The following HAPLN2 variants were observed in gnomAD, a reference collection of about 807,000 sequenced individuals.
The protein encoded by HAPLN2 is hyaluronan and proteoglycan link protein 2.
Under a neutral mutation model 29.3 loss-of-function variants are expected in HAPLN2, and 27 were observed. The observed-to-expected ratio is 0.92, with a 90% confidence interval of 0.68 to 1.27. The LOEUF (loss-of-function observed/expected upper bound fraction) is 1.27, where lower values mean the gene tolerates loss of function less well. Ranked by LOEUF, HAPLN2 falls within the 50% of genes most tolerant of loss-of-function variation. HAPLN2 has a pLI of 0.00. For synonymous variants in HAPLN2, 208 were observed against 211.7 expected (o/e 0.98, Z 0.15); for missense variants, 454 against 484.3 (o/e 0.94, Z 0.59).
chr1:156,604,306 T>C, the HAPLN2 span, among the ~76,000 whole-genome samples: 2 of 125,364 alleles, frequency 1.6e-5, no homozygotes, highest in South Asian at 6.4e-4. Flanking sequence ...TTTTTTTTCT[T>C]TTTTTTTTTG....
At chr1:156,603,267 G>A in the HAPLN2 span, among the ~76,000 whole-genome samples, 1 of 148,196 alleles carries the variant, frequency 6.7e-6, no homozygotes, top group Non-Finnish European at 1.5e-5. Context: ...GGCTGGCCTT[G>A]GACTCCTGGG....
Position 156,620,034 on chromosome 1 carries a change from G to A in HAPLN2, c.-149G>A, listed in dbSNP as rs1678169358. On this transcript the variant is annotated 5_prime_UTR_variant, in exon 2 of 7. Transcript: ENST00000255039. ...GTTGAACAGGGGCTCAAGTTCCAGG[G>A]TTTTAAGGTGCTTGGAACTCCCAGG... The A allele has an allele frequency of 6.6e-6, 1 of 152,180 alleles. No individual in the cohort carries two copies. The highest frequency in any genetic ancestry group is 2.4e-5 in the African/African-American group (1 of 41,394). 9.4% of individuals were successfully genotyped at this position (152,180 alleles called of 1,614,324 possible).
chr1:156,604,748 G>C, the HAPLN2 span, among the ~76,000 whole-genome samples: 2 of 152,180 alleles, frequency 1.3e-5, no homozygotes, highest in Non-Finnish European at 2.9e-5. Context: ...CAAAAGATGT[G>C]CAAGCTTTAT....
chr1:156,610,376 G>A, the HAPLN2 span, among the ~76,000 whole-genome samples: 2 of 152,244 alleles, frequency 1.3e-5, no homozygotes, highest in Non-Finnish European at 2.9e-5. Flanking sequence ...GGTGGCTTAC[G>A]CCTGTAATCC....
chr1:156,625,340 C>T lies in HAPLN2; in HGVS notation c.979C>T (p.Pro327Ser), dbSNP rs1678416427. The T allele has an allele frequency of 6.2e-7, 1 of 1,600,284 alleles. No individual in the cohort carries two copies. The highest frequency in any genetic ancestry group is 2.3e-5 in the East Asian group (1 of 44,022). ...AGTGCGCAGTTTCGGCTTCCCCAGGCCCCAACAGGCAGCCTATGGGACCTA... is the reference window on the plus strand; with the variant it reads ...AGTGCGCAGTTTCGGCTTCCCCAGGTCCCAACAGGCAGCCTATGGGACCTA... ...PGVRSFGFPR[P>S]QQAAYGTYCY... The change falls in exon 7 of 7, where the codon CCC (proline) becomes TCC (serine). Residue 327 changes from proline to serine, a missense_variant. Physicochemically the swap from Pro to Ser is moderately conservative, Grantham distance 74 (BLOSUM62 -1). Coordinates refer to ENST00000255039, the MANE Select transcript of HAPLN2 (RefSeq NM_021817.3). This position sits in a 1 kb window ranked among gnomAD's most constrained non-coding sequence, Gnocchi z 5.7.
rs1678422611 is a variant in HAPLN2 at position 156,625,486 on chromosome 1, G to A, written c.*102G>A. Reference sequence around the variant, plus strand: ...GAGAGCCTCCCCTCCCTCCAGACCCGGAGCGGCCTCTCCAGACCTGCCTTC... The same window carrying A: ...GAGAGCCTCCCCTCCCTCCAGACCCAGAGCGGCCTCTCCAGACCTGCCTTC... On this transcript the variant is annotated 3_prime_UTR_variant, in exon 7 of 7. Coordinates refer to ENST00000255039, the MANE Select transcript of HAPLN2 (RefSeq NM_021817.3). The surrounding 1 kb of genome is among the most constrained non-coding windows in gnomAD (Gnocchi z 5.7). 1 of 1,264,108 alleles carries A rather than the reference G, an allele frequency of 7.9e-7. No homozygotes were observed. Among genetic ancestry groups the A allele is most frequent in the South Asian group, 1.7e-5 (1 of 60,294 alleles). 78.3% of individuals were successfully genotyped at this position (1,264,108 alleles called of 1,614,324 possible).
chr1:156,624,909 G>GGGGGCCCCCCCCCCCCCCCCC, intron 6 of HAPLN2, 126 bp downstream of exon 6: 1 of 999,514 alleles, frequency 1.0e-6, no homozygotes, highest in Non-Finnish European at 1.4e-6. Flanking sequence ...CCCCCCATCA[G>GGGGGCCCCCCCCCCCCCCCCC]CCCGCCCGCC....
upstream of HAPLN2, among the ~76,000 whole-genome samples, chr1:156,618,350 C>T (rs982897882): frequency 7.1e-6 from 1 of 141,302 alleles, no homozygotes; most frequent in African/African-American, 2.7e-5. Context: ...TGTGGTGGTG[C>T]GCGCCTGTAG....
At chr1:156,609,048 C>T in the HAPLN2 span, among the ~76,000 whole-genome samples, 5 of 152,190 alleles carry the variant, frequency 3.3e-5, no homozygotes, top group African/African-American at 7.2e-5. Context: ...ATTCTCCCTT[C>T]GAACAAGAGC....
At chr1:156,603,464 T>G in the HAPLN2 span, among the ~76,000 whole-genome samples, 1 of 150,652 alleles carries the variant, frequency 6.6e-6, no homozygotes, top group African/African-American at 2.5e-5. Flanking sequence ...AAAATATATG[T>G]GTGTGTGTAT....
In HAPLN2 at chr1:156,623,814, C is replaced by A; in HGVS notation, c.93C>A (p.His31Gln). ...FHKAQGDPAS[H>Q]PGPHYLLPPI... ...GTGGCCCCCTCTGCCCAGCATCCCA[C>A]CCGGGCCCCCACTACCTCCTGCCCC... Residue 31 changes from histidine (H) to glutamine (Q), a missense_variant, in exon 4 of 7, where the codon CAC becomes CAA. By Grantham distance (24) the His-to-Gln change is conservative (BLOSUM62 0). Coordinates refer to ENST00000255039, the MANE Select transcript of HAPLN2 (RefSeq NM_021817.3). 1 of 1,516,360 alleles carries A rather than the reference C, an allele frequency of 6.6e-7. No individual in the cohort carries two copies. Among genetic ancestry groups the A allele is most frequent in the Non-Finnish European group, 8.8e-7 (1 of 1,133,494 alleles). The allele number at this position is 1,516,360 out of a possible 1,614,324, so 93.9% of individuals were successfully genotyped here.
chr1:156,624,345 C>G lies in HAPLN2; in HGVS notation c.440-6C>G. ...GGCCCTCCCCAGGATCCCCGCCACC[C>G]CCTAGGTGTGGTGTTTCCGTACCAA... On this transcript the variant is annotated splice_polypyrimidine_tract_variant and splice_region_variant and intron_variant, in intron 4 of 6. Coordinates refer to ENST00000255039, the MANE Select transcript of HAPLN2 (RefSeq NM_021817.3). The G allele has an allele frequency of 1.9e-6, 3 of 1,597,400 alleles. No individual in the cohort carries two copies. Among genetic ancestry groups the G allele is most frequent in the Non-Finnish European group, 2.6e-6 (3 of 1,171,836 alleles).
chr1:156,608,371 A>G, the HAPLN2 span, among the ~76,000 whole-genome samples: 2 of 152,108 alleles, frequency 1.3e-5, no homozygotes, highest in African/African-American at 4.8e-5. Flanking sequence ...TCTGACCTGC[A>G]TCCCTGTCCC....
chr1:156,601,713 A>G, the HAPLN2 span, among the ~76,000 whole-genome samples: 1 of 152,128 alleles, frequency 6.6e-6, no homozygotes, highest in African/African-American at 2.4e-5. Flanking sequence ...TCAGGATGCC[A>G]AGAACGGCTC....
chr1:156,604,136 T>C, the HAPLN2 span, among the ~76,000 whole-genome samples: 3 of 152,038 alleles, frequency 2.0e-5, no homozygotes, highest in Non-Finnish European at 1.5e-5. Flanking sequence ...GAAATGCAGA[T>C]AACAAGATGC....
At chr1:156,616,398 T>G (rs1486166778), upstream of HAPLN2, among the ~76,000 whole-genome samples, 1 of 152,212 alleles carries the variant, frequency 6.6e-6, no homozygotes, top group East Asian at 1.9e-4. Flanking sequence ...TTTCTCATTC[T>G]GTCCTCACTG....
chr1:156,618,168 C>T (rs1053627941), upstream of HAPLN2, among the ~76,000 whole-genome samples: 1 of 151,738 alleles, frequency 6.6e-6, no homozygotes, highest in African/African-American at 2.4e-5. Context: ...CGTGGTGGCG[C>T]ACGTCTGTAG....
At chr1:156,613,165 A>G in the HAPLN2 span, among the ~76,000 whole-genome samples, 3 of 152,298 alleles carry the variant, frequency 2.0e-5, no homozygotes, top group Admixed American at 6.5e-5. Flanking sequence ...CCTGGCCAAC[A>G]TGGCGAAACC....
At position 156,624,707 on chromosome 1, in the gene HAPLN2, C is replaced by G. The variant is rs779663669; in HGVS notation, c.663C>G (p.Pro221=). ...ARAPCGGRGR[P]GIRSYGPRDR... ...CCCCGTGCGGCGGCCGAGGCCGGCC[C>G]GGGATCCGCAGCTACGGACCCCGCG... The change falls in exon 6 of 7, where the codon CCC becomes CCG. Residue 221 remains proline (P), a synonymous_variant. Coordinates refer to ENST00000255039, the MANE Select transcript of HAPLN2 (RefSeq NM_021817.3). 22 of 1,590,692 alleles carry G rather than the reference C, an allele frequency of 1.4e-5. No homozygotes were observed. Among genetic ancestry groups the G allele is most frequent in the Middle Eastern group, 1.7e-4 (1 of 5,864 alleles).
Sources: allele counts gnomAD v4.1 joint callset (sites outside exome capture counted in the v4.1 genomes callset), GRCh38; gene constraint gnomAD v4.1.1; non-coding constraint Gnocchi (gnomAD v3.1); transcripts MANE v1.5; gene names NCBI Gene and HGNC (gene_info 2026-07-23, HGNC 2026-07-21).